Variants in RPS16 observed in about 807,000 individuals in gnomAD.
The protein encoded by RPS16 is ribosomal protein S16.
RPS16 carries 2 observed loss-of-function variants against 20.1 expected under a neutral mutation model. The observed-to-expected ratio is 0.10, with a 90% CI of 0.04 to 0.31. RPS16 has a LOEUF of 0.31. Among genes scored for constraint, RPS16 ranks in the 10% least tolerant of loss-of-function variants. RPS16 has a pLI of 1.00. For synonymous variants in RPS16, 95 were observed against 76.1 expected, an observed-to-expected ratio of 1.25 and a Z score of -1.29; for missense variants, 129 against 198.6, an observed-to-expected ratio of 0.65 and a Z score of 2.11.
At position 39,435,910 on chromosome 19, in the gene RPS16, A is replaced by G. The variant is rs374493601; in HGVS notation, c.-15T>C. 3 of 1,603,862 alleles carry G rather than the reference A, an allele frequency of 1.9e-6. No homozygotes were observed. The Admixed American group carries it at 5.0e-5, about 27-fold the overall frequency. ...TTGGACGGCATGGCTCCGAGCGTGGACTAGACAACCTCACCGCGCGGCGCC... is the reference window on the plus strand; with the variant it reads ...TTGGACGGCATGGCTCCGAGCGTGGGCTAGACAACCTCACCGCGCGGCGCC... On this transcript the variant is annotated 5_prime_UTR_variant, in exon 1 of 5. Coordinates refer to ENST00000251453, the MANE Select transcript of RPS16 (RefSeq NM_001020.6).
At chr19:39,435,821 C>A in intron 1 of RPS16, 27 bp downstream of exon 1, 1 of 1,610,754 alleles carries the variant, frequency 6.2e-7, no homozygotes, top group Middle Eastern at 1.7e-4. Context: ...TCCTTCCCCT[C>A]CCCTTCCCAT....
Position 39,435,941 on chromosome 19 carries a change from C to T in RPS16, c.-46G>A, listed in dbSNP as rs774338250. The T allele has an allele frequency of 8.1e-6, 13 of 1,601,404 alleles. No homozygotes were observed. The highest frequency in any genetic ancestry group is 1.0e-5 in the Non-Finnish European group (12 of 1,179,790). On this transcript the variant is annotated 5_prime_UTR_variant, in exon 1 of 5. Transcript: ENST00000251453. ...CAACCTCACCGCGCGGCGCCGCAAC[C>T]GGAAAAGGAAAGCTAGGGGCCACCC...
chr19:39,435,940 C>G lies in RPS16; in HGVS notation c.-45G>C, dbSNP rs1055136505. ...ACAACCTCACCGCGCGGCGCCGCAA[C>G]CGGAAAAGGAAAGCTAGGGGCCACC... On this transcript the variant is annotated 5_prime_UTR_variant, in exon 1 of 5. Coordinates refer to ENST00000251453, the MANE Select transcript of RPS16 (RefSeq NM_001020.6). 3 of 1,601,520 alleles carry G rather than the reference C, an allele frequency of 1.9e-6. No homozygotes were observed. Among genetic ancestry groups the G allele is most frequent in the Non-Finnish European group, 2.5e-6 (3 of 1,179,812 alleles).
intron 2 of RPS16, chr19:39,434,083 A>G (rs565875754): frequency 2.8e-6 from 1 of 355,860 alleles, no homozygotes. Context: ...AACAGTAAGG[A>G]GCATTCCAAT....
chr19:39,435,676 G>T lies in RPS16; in HGVS notation c.81C>A (p.Arg27=). Residue 27 remains arginine (R), a synonymous_variant, in exon 2 of 5, where the codon CGC becomes CGA. Coordinates refer to ENST00000251453, the MANE Select transcript of RPS16 (RefSeq NM_001020.6). The part of the protein sequence containing the change: ...KTATAVAHCK[R]GNGLIKVNGR... ...CGTTCACCTTGATGAGACCATTGCC[G>T]CGTTTGCAGTGCGCCACAGCTGTCG... 1 of 1,613,960 alleles carries T rather than the reference G, an allele frequency of 6.2e-7. No homozygotes were observed. The highest frequency in any genetic ancestry group is 1.7e-5 in the Admixed American group (1 of 60,020).
At position 39,433,212 on chromosome 19, in the gene RPS16, G is replaced by GA; in HGVS notation, c.*60dup. On this transcript the variant is annotated 3_prime_UTR_variant, in exon 5 of 5. Transcript: ENST00000251453. ...ACACATAAGGCCACACACAGTTCTT[G>GA]AAACTTTAAAATCCCTCAAAAACTG... 1.9e-6 allele frequency: 3 copies of GA among 1,566,756 alleles called. No homozygotes were observed. The highest frequency in any genetic ancestry group is 2.6e-6 in the Non-Finnish European group (3 of 1,142,760).
At chr19:39,435,735 C>T (rs774713347) in intron 1 of RPS16, 27 bp from the exon 2 acceptor site, 1 of 1,610,232 alleles carries the variant, frequency 6.2e-7, no homozygotes, top group Non-Finnish European at 8.5e-7. Context: ...AAACAGGGGC[C>T]CCGTGAGCTC....
chr19:39,435,401 C>T (rs984247655), intron 2 of RPS16: 2 of 574,520 alleles, frequency 3.5e-6, no homozygotes, highest in Non-Finnish European at 6.2e-6. Context: ...TCAAAGCAAA[C>T]CCTTAATCTT....
chr19:39,435,015 T>C (rs1308736657), intron 2 of RPS16: 1 of 152,504 alleles, frequency 6.6e-6, no homozygotes, highest in African/African-American at 2.4e-5. Context: ...AGACCCAAAT[T>C]CGGCCGCACA....
intron 1 of RPS16, 66 bp from the exon 2 acceptor site, chr19:39,435,774 A>G (rs901252131): frequency 5.6e-6 from 9 of 1,606,508 alleles, no homozygotes; most frequent in Non-Finnish European, 6.8e-6. Context: ...TACCCCCTAG[A>G]TTCCTGCCCA....
Sources: allele counts gnomAD v4.1 joint callset, GRCh38; gene constraint gnomAD v4.1.1; transcripts MANE v1.5; gene names NCBI Gene and HGNC (gene_info 2026-07-23, HGNC 2026-07-21).